Variants in APCDD1L observed in about 807,000 individuals in gnomAD.
APCDD1L encodes APC down-regulated 1 like.
A neutral mutation model predicts 24.2 loss-of-function variants in APCDD1L; 21 were observed. The ratio of observed to expected loss-of-function variants is 0.87; its 90% CI spans 0.61 to 1.25. The LOEUF (loss-of-function observed/expected upper bound fraction) is 1.25, where lower values mean the gene tolerates loss of function less well. Ranked by LOEUF, APCDD1L falls within the 50% of genes most tolerant of loss-of-function variation. The pLI is 0.00. For missense variants in APCDD1L, 704 were observed against 711.7 expected (o/e 0.99, Z 0.12); for synonymous variants, 321 against 323.6 (o/e 0.99, Z 0.09).
In APCDD1L at chr20:58,497,872, G is replaced by A. The variant is rs1184986215; in HGVS notation, c.49+16787C>T. Among the ~76,000 whole-genome samples the A allele has an allele frequency of 1.3e-5, 2 of 152,194 alleles. No homozygotes were observed. Among genetic ancestry groups the A allele is most frequent in the Non-Finnish European group, 2.9e-5 (2 of 68,038 alleles). On this transcript the variant is annotated intron_variant, in intron 1 of 3. Transcript: ENST00000371149. The surrounding 1 kb of genome is among the most constrained non-coding windows in gnomAD (Gnocchi z 4.3). ...CATATTAAAAGCTAAGTCTCATGCA[G>A]AGAAGCAGAATTCCCTGTACACACA...
chr20:58,488,489 C>T (rs1643474557), intron 1 of APCDD1L, among the ~76,000 whole-genome samples: 1 of 152,168 alleles, frequency 6.6e-6, no homozygotes, highest in Non-Finnish European at 1.5e-5. Context: ...AATGTCTCAA[C>T]AAATTCAAAT....
chr20:58,507,274 C>T (rs990696247), intron 1 of APCDD1L, among the ~76,000 whole-genome samples: 4 of 152,182 alleles, frequency 2.6e-5, no homozygotes, highest in African/African-American at 7.2e-5. Flanking sequence ...GACTTCCCAG[C>T]CATGTGAAAC....
Position 58,461,477 on chromosome 20 carries a change from AG to A in APCDD1L, c.818del (p.Pro273LeufsTer88). 6.8e-7 allele frequency: 1 copy of A among 1,476,274 alleles called. No homozygotes were observed. The highest frequency in any genetic ancestry group is 2.6e-5 in the Admixed American group (1 of 38,232). 91.4% of individuals were successfully genotyped at this position (1,476,274 alleles called of 1,614,324 possible). ...DVHHPPVLPP[P>X]LALPLHLGGW... Reference sequence around the variant, plus strand: ...CGCCCAGGTGCAGGGGCAGGGCCAGAGGGGGCGGCAGCACGGGCGGGTGGTG... The same window carrying A: ...CGCCCAGGTGCAGGGGCAGGGCCAGAGGGGCGGCAGCACGGGCGGGTGGTG... On this transcript the variant is annotated frameshift_variant, in exon 4 of 4. Coordinates refer to ENST00000371149, the MANE Select transcript of APCDD1L (RefSeq NM_153360.3). LOFTEE classifies it low-confidence loss of function (END_TRUNC). This position sits in a 1 kb window ranked among gnomAD's most constrained non-coding sequence, Gnocchi z 6.0.
chr20:58,495,916 G>T (rs189217464), intron 1 of APCDD1L, among the ~76,000 whole-genome samples: 238 of 152,014 alleles, frequency 1.6e-3, no homozygotes, highest in African/African-American at 5.3e-3. Context: ...GAGGGCCCCG[G>T]GTCCCCCTCT....
rs561489877 is a variant in APCDD1L at position 58,496,793 on chromosome 20, A to G, written c.49+17866T>C. Among the ~76,000 whole-genome samples the G allele has an allele frequency of 2.3e-3, 354 of 152,116 alleles. 3 individuals are homozygous for G. The highest frequency in any genetic ancestry group is 3.9e-3 in the Non-Finnish European group (263 of 67,980). ...GCTGCAAGGAAGAGTGGAACTGTGC[A>G]TGGGAGAGTGGAGGAAGGCCGGGAG... On this transcript the variant is annotated intron_variant, in intron 1 of 3. Coordinates refer to ENST00000371149, the MANE Select transcript of APCDD1L (RefSeq NM_153360.3).
intron 1 of APCDD1L, among the ~76,000 whole-genome samples, chr20:58,492,041 C>A (rs570264071): frequency 1.3e-5 from 2 of 152,112 alleles, no homozygotes; most frequent in Non-Finnish European, 2.9e-5. Context: ...CGGTTCATAC[C>A]CCCAAATCAA....
At chr20:58,492,716 C>A (rs1010570005) in intron 1 of APCDD1L, among the ~76,000 whole-genome samples, 2 of 152,260 alleles carry the variant, frequency 1.3e-5, no homozygotes, top group Non-Finnish European at 2.9e-5. Context: ...CTGATATATA[C>A]GCCTGTGCAT....
At position 58,506,062 on chromosome 20, in the gene APCDD1L, C is replaced by A. The variant is rs188399820; in HGVS notation, c.49+8597G>T. Among the ~76,000 whole-genome samples, 637 of 152,234 alleles carry A rather than the reference C, an allele frequency of 4.2e-3. 5 individuals carry two copies. Among genetic ancestry groups the A allele is most frequent in the Non-Finnish European group, 6.7e-3 (455 of 68,006 alleles). On this transcript the variant is annotated intron_variant, in intron 1 of 3. Coordinates refer to ENST00000371149, the MANE Select transcript of APCDD1L (RefSeq NM_153360.3). ...TGGATGTCTGTTGTTCCAAGCCCCCCACTTCATAGTACTTTGTTATGACAG... is the reference window on the plus strand; with the variant it reads ...TGGATGTCTGTTGTTCCAAGCCCCCAACTTCATAGTACTTTGTTATGACAG...
intron 1 of APCDD1L, among the ~76,000 whole-genome samples, chr20:58,513,558 T>A (rs1206360124): frequency 6.6e-6 from 1 of 152,150 alleles, no homozygotes; most frequent in African/African-American, 2.4e-5. Flanking sequence ...ATTGAAGAGC[T>A]CCTCGAGGTG....
chr20:58,482,531 C>T (rs1249609219), intron 1 of APCDD1L, among the ~76,000 whole-genome samples: 2 of 152,182 alleles, frequency 1.3e-5, no homozygotes, highest in Non-Finnish European at 2.9e-5. Context: ...TGGGTTCTTA[C>T]CCTCGGAAGA....
chr20:58,478,635 C>A (rs1989961786), intron 1 of APCDD1L, among the ~76,000 whole-genome samples: 1 of 152,096 alleles, frequency 6.6e-6, no homozygotes, highest in Non-Finnish European at 1.5e-5. Context: ...TCAGTAAATG[C>A]TATTTATAAT....
intron 3 of APCDD1L, among the ~76,000 whole-genome samples, chr20:58,466,827 C>T (rs1331534847): frequency 2.6e-5 from 4 of 152,218 alleles, no homozygotes; most frequent in African/African-American, 9.6e-5. Flanking sequence ...TGAGATCCTG[C>T]AGTGCCCACG....
chr20:58,487,827 C>T (rs1419104495), intron 1 of APCDD1L, among the ~76,000 whole-genome samples: 2 of 152,126 alleles, frequency 1.3e-5, no homozygotes, highest in African/African-American at 4.8e-5. Context: ...ACAAATCCAT[C>T]GTTATAATGG....
chr20:58,499,305 C>T (rs1000632718), intron 1 of APCDD1L, among the ~76,000 whole-genome samples: 23 of 152,260 alleles, frequency 1.5e-4, no homozygotes, highest in African/African-American at 3.1e-4. Flanking sequence ...CACCTCTGGA[C>T]GGCCACATGG....
chr20:58,472,160 G>T (rs1224963936), intron 1 of APCDD1L, among the ~76,000 whole-genome samples: 1 of 152,216 alleles, frequency 6.6e-6, no homozygotes, highest in African/African-American at 2.4e-5. Flanking sequence ...CCTTGAGGTT[G>T]GGGGTTGCCT....
At chr20:58,502,155 T>C (rs527914398) in intron 1 of APCDD1L, among the ~76,000 whole-genome samples, 4 of 152,290 alleles carry the variant, frequency 2.6e-5, no homozygotes, top group Non-Finnish European at 5.9e-5. Flanking sequence ...CAGGATGGAG[T>C]ACCCTGGTGC....
chr20:58,475,768 T>C (rs1219732311), intron 1 of APCDD1L, among the ~76,000 whole-genome samples: 1 of 152,034 alleles, frequency 6.6e-6, no homozygotes, highest in African/African-American at 2.4e-5. Context: ...GAAATCAAGG[T>C]GTGGGTAGGG....
At chr20:58,502,615 T>G (rs1017366828) in intron 1 of APCDD1L, among the ~76,000 whole-genome samples, 1 of 152,010 alleles carries the variant, frequency 6.6e-6, no homozygotes, top group Non-Finnish European at 1.5e-5. Context: ...GAGTTGAAGT[T>G]ATAGGACGTT....
intron 1 of APCDD1L, among the ~76,000 whole-genome samples, chr20:58,512,424 G>C (rs1327929252): frequency 6.6e-6 from 1 of 152,164 alleles, no homozygotes; most frequent in Non-Finnish European, 1.5e-5. Flanking sequence ...ATCATAACTA[G>C]GAGGAGGTGC....
Sources: gnomAD v4.1 joint callset for allele counts (sites outside exome capture counted in the v4.1 genomes callset) on GRCh38, gnomAD v4.1.1 for gene constraint, Gnocchi (gnomAD v3.1) non-coding constraint, MANE v1.5 for transcripts, NCBI Gene and HGNC (gene_info 2026-07-23, HGNC 2026-07-21) for gene names.